NBAS: variants seen among roughly 807,000 people sequenced by gnomAD.
NBAS encodes NBAS subunit of NRZ tethering complex.
NBAS carries 219 observed loss-of-function variants against 302.5 expected under a neutral mutation model. That is an observed-to-expected ratio of 0.72 (90% CI 0.65 to 0.81). The LOEUF (loss-of-function observed/expected upper bound fraction) is 0.81. Ranked by LOEUF, NBAS falls within the 30% of genes least tolerant of loss-of-function variation. The pLI is 0.00. For synonymous variants in NBAS, 1,118 were observed against 1,021.6 expected, an observed-to-expected ratio of 1.09 and a Z score of -1.80; for missense variants, 2,932 against 2,841.6, an observed-to-expected ratio of 1.03 and a Z score of -0.72.
At chr2:15,292,223 T>G (rs1670335525) in intron 41 of NBAS, among the ~76,000 whole-genome samples, 1 of 152,158 alleles carries the variant, frequency 6.6e-6, no homozygotes, top group Admixed American at 6.5e-5. Flanking sequence ...GATCTTGAGA[T>G]CTTGGGCCAC....
intron 28 of NBAS, chr2:15,393,720 T>TA: frequency 4.3e-6 from 2 of 470,374 alleles, no homozygotes; most frequent in Non-Finnish European, 8.8e-6. Flanking sequence ...AGAGAAGTGG[T>TA]AAACAGGCTG....
chr2:15,296,467 A>G (rs1670552768), intron 40 of NBAS, among the ~76,000 whole-genome samples: 1 of 152,082 alleles, frequency 6.6e-6, no homozygotes, highest in East Asian at 1.9e-4. Context: ...TGGAGGTTGC[A>G]GTGAGCTGAG....
intron 6 of NBAS, among the ~76,000 whole-genome samples, chr2:15,550,879 G>A (rs566851223): frequency 6.1e-4 from 93 of 152,186 alleles, no homozygotes; most frequent in Non-Finnish European, 9.6e-4. Flanking sequence ...GAGCCACTGC[G>A]TCCAGACTAC....
the NBAS span, among the ~76,000 whole-genome samples, chr2:14,971,605 C>G: frequency 1.3e-5 from 2 of 152,322 alleles, no homozygotes; most frequent in East Asian, 3.9e-4. Flanking sequence ...CCACCACCAT[C>G]AACCTGTTGG....
At chr2:14,875,210 G>A in the NBAS span, among the ~76,000 whole-genome samples, 1 of 152,182 alleles carries the variant, frequency 6.6e-6, no homozygotes, top group South Asian at 2.1e-4. Flanking sequence ...TGAGCTGATT[G>A]TCTATGTAGA....
the NBAS span, among the ~76,000 whole-genome samples, chr2:15,045,482 T>C: frequency 6.6e-6 from 1 of 152,192 alleles, no homozygotes. Context: ...CCAAAATGTC[T>C]TTCCCAACTT....
At chr2:15,524,592 T>A (rs895430618) in intron 9 of NBAS, among the ~76,000 whole-genome samples, 2 of 152,090 alleles carry the variant, frequency 1.3e-5, no homozygotes, top group Admixed American at 6.6e-5. Context: ...ATGGGCCCAG[T>A]TTTTTAGGCA....
chr2:15,037,993 C>T, the NBAS span, among the ~76,000 whole-genome samples: 1 of 151,718 alleles, frequency 6.6e-6, no homozygotes, highest in East Asian at 1.9e-4. Flanking sequence ...AAATTGGATA[C>T]ACTTCACAAA....
chr2:14,873,358 GC>G, the NBAS span, among the ~76,000 whole-genome samples: 1 of 152,166 alleles, frequency 6.6e-6, no homozygotes, highest in Non-Finnish European at 1.5e-5. Flanking sequence ...GGGATTATAG[GC>G]GTGTGCCACC....
At chr2:14,915,585 CAG>C in the NBAS span, among the ~76,000 whole-genome samples, 2 of 151,990 alleles carry the variant, frequency 1.3e-5, no homozygotes, top group African/African-American at 2.4e-5. Context: ...TTTTTTGAGA[CAG>C]AGTCTTGTTC....
chr2:15,045,614 CA>C, the NBAS span, among the ~76,000 whole-genome samples: 5 of 152,104 alleles, frequency 3.3e-5, no homozygotes, highest in African/African-American at 1.2e-4. Flanking sequence ...ATTCATATGT[CA>C]ACAAACACTT....
the NBAS span, among the ~76,000 whole-genome samples, chr2:15,042,431 C>T: frequency 6.6e-6 from 1 of 152,010 alleles, no homozygotes; most frequent in African/African-American, 2.4e-5. Flanking sequence ...GAAACAAAAT[C>T]GATCCAGGAA....
chr2:15,386,572 C>T (rs1675309302), intron 28 of NBAS, among the ~76,000 whole-genome samples: 1 of 152,146 alleles, frequency 6.6e-6, no homozygotes, highest in Admixed American at 6.5e-5. Context: ...GTCCCATACA[C>T]ACATGGGGAT....
At chr2:14,809,373 G>A in the NBAS span, among the ~76,000 whole-genome samples, 1 of 152,162 alleles carries the variant, frequency 6.6e-6, no homozygotes, top group Non-Finnish European at 1.5e-5. Flanking sequence ...TGCAGCCTAG[G>A]GACTTGGTGC....
At chr2:14,849,797 T>A in the NBAS span, among the ~76,000 whole-genome samples, 118 of 141,852 alleles carry the variant, frequency 8.3e-4, no homozygotes, top group Middle Eastern at 3.4e-3. Flanking sequence ...AAGAAAAGAA[T>A]TTTCAACCCA....
intron 28 of NBAS, among the ~76,000 whole-genome samples, chr2:15,388,162 T>C (rs1483893643): frequency 6.6e-6 from 1 of 152,250 alleles, no homozygotes; most frequent in African/African-American, 2.4e-5. Flanking sequence ...TATTCCTCCA[T>C]TTCTTCAGAT....
At chr2:15,529,286 G>C (rs1176686997) in intron 9 of NBAS, among the ~76,000 whole-genome samples, 2 of 152,204 alleles carry the variant, frequency 1.3e-5, no homozygotes, top group Non-Finnish European at 2.9e-5. Flanking sequence ...GATTGCTTGA[G>C]CTCAGGAATG....
At chr2:15,002,360 G>C in the NBAS span, among the ~76,000 whole-genome samples, 2 of 152,162 alleles carry the variant, frequency 1.3e-5, no homozygotes, top group African/African-American at 4.8e-5. Flanking sequence ...CTAGACACAG[G>C]GGGTTGATTG....
the NBAS span, among the ~76,000 whole-genome samples, chr2:15,152,086 G>C: frequency 6.6e-6 from 1 of 152,196 alleles, no homozygotes; most frequent in African/African-American, 2.4e-5. Context: ...CTGACCTCAA[G>C]TGATCCGCCT....
Sources: gnomAD v4.1 joint callset for allele counts (sites outside exome capture counted in the v4.1 genomes callset) on GRCh38, gnomAD v4.1.1 for gene constraint, MANE v1.5 for transcripts, NCBI Gene and HGNC (gene_info 2026-07-23, HGNC 2026-07-21) for gene names.